CR1: variants seen among roughly 807,000 people sequenced by gnomAD.
The protein encoded by CR1 is complement receptor type 1.
CR1 carries 116 observed loss-of-function variants against 187.3 expected under a neutral mutation model. The observed-to-expected ratio is 0.62, with a 90% CI of 0.53 to 0.72. CR1 has a LOEUF of 0.72. CR1 is among the 30% of genes least tolerant of loss of function. CR1 has a pLI of 0.00. For missense variants in CR1, 1,731 were observed against 2,110.7 expected (o/e 0.82, Z 3.52); for synonymous variants, 576 against 747.1 (o/e 0.77, Z 3.73).
intron 31 of CR1, 49 bp downstream of exon 31, chr1:207,580,662 C>T (rs780150225): frequency 1.9e-5 from 28 of 1,509,334 alleles, no homozygotes; most frequent in Admixed American, 9.1e-5. Context: ...TGCAGAGTGA[C>T]TCTTGAGCTT....
intron 45 of CR1, among the ~76,000 whole-genome samples, chr1:207,624,819 A>AT (rs1179357798): frequency 6.6e-6 from 1 of 152,146 alleles, no homozygotes; most frequent in Non-Finnish European, 1.5e-5. Context: ...TAGTGAGTTA[A>AT]TTTTTTAAAA....
At chr1:207,603,101 CT>C (rs1269636675) in intron 35 of CR1, among the ~76,000 whole-genome samples, 1 of 151,748 alleles carries the variant, frequency 6.6e-6, no homozygotes. Flanking sequence ...CAATGACATT[CT>C]TTTTTTTAAT....
chr1:207,554,183 CA>C (rs1334126138), intron 19 of CR1, among the ~76,000 whole-genome samples: 1 of 84,152 alleles, frequency 1.2e-5, no homozygotes, highest in East Asian at 3.6e-4. Flanking sequence ...TCCATGTAGA[CA>C]AAACAGCCAT....
chr1:207,620,063 C>G lies in CR1; in HGVS notation c.7250C>G (p.Ser2417Cys), dbSNP rs767794791. 10 of 1,607,246 alleles carry G rather than the reference C, an allele frequency of 6.2e-6. No homozygotes were observed. Among genetic ancestry groups the G allele is most frequent in the Non-Finnish European group, 8.5e-6 (10 of 1,178,154 alleles). Residue 2417 changes from serine to cysteine, a missense_variant and splice_region_variant, in exon 43 of 47, where the codon TCT (serine) becomes TGT (cysteine). Ser to Cys is a moderately radical substitution (Grantham distance 112). This residue lies in a region of CR1 where 1,312 missense variants were observed against 1,379.6 expected (regional missense o/e 0.95). Coordinates refer to ENST00000367049, the MANE Select transcript of CR1 (RefSeq NM_000651.6). ...GACCCTCCTCTGGCCAAATGTACCT[C>G]TCGTAAGTGCAAGTGCAAGGAATGT... ...RWDPPLAKCT[S>C]RTHDALIVGT...
intron 35 of CR1, among the ~76,000 whole-genome samples, chr1:207,589,448 A>T (rs1400931096): frequency 6.6e-6 from 1 of 152,204 alleles, no homozygotes; most frequent in Non-Finnish European, 1.5e-5. Flanking sequence ...TGAAAACCCC[A>T]TCCAAAGGTC....
chr1:207,609,630 C>T lies in CR1; in HGVS notation c.6237C>T (p.His2079=). 6.2e-7 allele frequency: 1 copy of T among 1,609,410 alleles called. No individual in the cohort carries two copies. The highest frequency in any genetic ancestry group is 8.5e-7 in the Non-Finnish European group (1 of 1,177,754). The change falls in exon 37 of 47, where the codon CAC becomes CAT. Residue 2079 remains histidine, a synonymous_variant. Transcript: ENST00000367049. ...CCGGGTTTGTCATGGTAGGGTCCCA[C>T]ACTGTGCAGTGCCAGACCAATGGCA... The part of the protein sequence containing the change: ...CQPGFVMVGS[H]TVQCQTNGRW...
In CR1 at chr1:207,641,563, C is replaced by T. The variant is rs766562714; in HGVS notation, c.*2154C>T. The stretch of plus-strand genomic sequence containing the variant: ...TGTATTATTAAGCAATTCTGCTAAC[C>T]TGTGACCTTACATTTTCATCTGAAA... On this transcript the variant is annotated 3_prime_UTR_variant, in exon 47 of 47. Coordinates refer to ENST00000367049, the MANE Select transcript of CR1 (RefSeq NM_000651.6). The T allele has an allele frequency of 6.6e-6, 1 of 152,150 alleles. No homozygotes were observed. The highest frequency in any genetic ancestry group is 1.5e-5 in the Non-Finnish European group (1 of 68,028). 9.4% of individuals were successfully genotyped at this position (152,150 alleles called of 1,614,324 possible). A position where few individuals can be genotyped will look rare whatever the true frequency, so the allele number is the denominator to read the frequency against.
chr1:207,614,552 T>C, intron 40 of CR1, 63 bp downstream of exon 40: 1 of 1,309,628 alleles, frequency 7.6e-7, no homozygotes. Flanking sequence ...AGCATGTTTT[T>C]CCGCATGGCA....
chr1:207,565,142 C>T (rs1248520234), intron 23 of CR1, among the ~76,000 whole-genome samples: 4 of 150,054 alleles, frequency 2.7e-5, no homozygotes, highest in African/African-American at 2.5e-5. Context: ...CAGGAGCTGA[C>T]CGGCATGGGC....
intron 45 of CR1, among the ~76,000 whole-genome samples, chr1:207,629,365 A>G (rs1662577944): frequency 6.6e-6 from 1 of 152,118 alleles, no homozygotes; most frequent in Non-Finnish European, 1.5e-5. Flanking sequence ...CACCGAGATC[A>G]TATTCTCCAA....
Position 207,616,742 on chromosome 1 carries a change from C to A in CR1, c.6829C>A (p.Pro2277Thr). The A allele has an allele frequency of 1.2e-6, 2 of 1,613,944 alleles. No homozygotes were observed. The highest frequency in any genetic ancestry group is 1.7e-6 in the Non-Finnish European group (2 of 1,179,880). ...GESSIRCTSDPQGNGVWSSPA... is the reference protein window; with the variant it reads ...GESSIRCTSDTQGNGVWSSPA... ...GAGCTCCATCCGCTGCACAAGTGAC[C>A]CTCAAGGGAATGGGGTTTGGAGCAG... The change falls in exon 41 of 47, where the codon CCT becomes ACT. Residue 2277 changes from proline (P) to threonine (T), a missense_variant. This residue lies in a region of CR1 where 1,312 missense variants were observed against 1,379.6 expected (regional missense o/e 0.95). Coordinates refer to ENST00000367049, the MANE Select transcript of CR1 (RefSeq NM_000651.6).
chr1:207,607,005 A>G (rs1661771037), intron 35 of CR1, among the ~76,000 whole-genome samples: 1 of 152,220 alleles, frequency 6.6e-6, no homozygotes, highest in Non-Finnish European at 1.5e-5. Flanking sequence ...CTGCAAAGAA[A>G]AAGGGAAATA....
intron 45 of CR1, among the ~76,000 whole-genome samples, chr1:207,623,918 T>C (rs1662402029): frequency 4.1e-5 from 5 of 122,468 alleles, no homozygotes; most frequent in African/African-American, 1.7e-4. Context: ...TAACTTTTTT[T>C]TTTTTTTTTT....
At chr1:207,599,442 C>G (rs1220953957) in intron 35 of CR1, among the ~76,000 whole-genome samples, 1 of 152,190 alleles carries the variant, frequency 6.6e-6, no homozygotes, top group East Asian at 1.9e-4. Context: ...AAATCTTACA[C>G]TATCCACAAA....
At chr1:207,520,707 C>T (rs1196959159) in intron 4 of CR1, among the ~76,000 whole-genome samples, 1 of 152,296 alleles carries the variant, frequency 6.6e-6, no homozygotes, top group Non-Finnish European at 1.5e-5. Context: ...CTTCTTATTG[C>T]AATTCTGTCA....
chr1:207,618,410 A>T (rs942891172), intron 42 of CR1, among the ~76,000 whole-genome samples, 163 bp downstream of exon 42: 2 of 152,192 alleles, frequency 1.3e-5, no homozygotes, highest in Admixed American at 1.3e-4. Flanking sequence ...CATCTTATTA[A>T]CTGTCCTCTT....
At chr1:207,525,736 G>A (rs1202603128) in intron 5 of CR1, among the ~76,000 whole-genome samples, 2 of 151,936 alleles carry the variant, frequency 1.3e-5, no homozygotes, top group African/African-American at 2.4e-5. Context: ...TGAGGCTGGG[G>A]GCCAACAGAA....
intron 1 of CR1, among the ~76,000 whole-genome samples, chr1:207,497,091 G>A (rs1169331150): frequency 3.3e-5 from 5 of 152,152 alleles, no homozygotes; most frequent in Admixed American, 2.0e-4. Flanking sequence ...TTAATTGACA[G>A]CATACTTTAA....
chr1:207,610,604 T>C (rs949123894), intron 37 of CR1, among the ~76,000 whole-genome samples: 1 of 152,140 alleles, frequency 6.6e-6, no homozygotes, highest in Non-Finnish European at 1.5e-5. Context: ...AGTACTGGGA[T>C]TTCAGGCCTG....
Sources: gnomAD v4.1 joint callset for allele counts (sites outside exome capture counted in the v4.1 genomes callset) on GRCh38, gnomAD v4.1.1 for gene constraint, gnomAD v4.1.1 regional missense constraint, MANE v1.5 for transcripts, NCBI Gene and HGNC (gene_info 2026-07-23, HGNC 2026-07-21) for gene names.